PTPRC: variants seen among roughly 807,000 people sequenced by gnomAD.
The protein encoded by PTPRC is receptor-type tyrosine-protein phosphatase C.
PTPRC carries 44 observed loss-of-function variants against 155.9 expected under a neutral mutation model. That is an observed-to-expected ratio of 0.28 (90% confidence interval 0.22 to 0.36). PTPRC has a LOEUF of 0.36. Ranked by LOEUF, PTPRC falls within the 10% of genes least tolerant of loss-of-function variation. The pLI, the probability that PTPRC is intolerant of heterozygous loss-of-function variation, is 1.00. For synonymous variants in PTPRC, 525 were observed against 533.1 expected, an observed-to-expected ratio of 0.98 and a Z score of 0.21; for missense variants, 1,401 against 1,564.6, an observed-to-expected ratio of 0.90 and a Z score of 1.76.
At position 198,703,642 on chromosome 1, in the gene PTPRC, T is replaced by G. The variant is rs904718578; in HGVS notation, c.658+270T>G. On this transcript the variant is annotated intron_variant, in intron 7 of 32. Coordinates refer to ENST00000442510, the MANE Select transcript of PTPRC (RefSeq NM_002838.5). ...CTACTAGAACTTTTTCTCACAGGGGTTTAGGTCTTAGTAAGGAAAAGAACA... is the reference window on the plus strand; with the variant it reads ...CTACTAGAACTTTTTCTCACAGGGGGTTAGGTCTTAGTAAGGAAAAGAACA... 9.6e-5 allele frequency: 53 copies of G among 551,960 alleles called. No individual in the cohort carries two copies. The Admixed American group carries it at 1.4e-3, about 14-fold the overall frequency. The allele number at this position is 551,960 out of a possible 1,614,324, so 34.2% of individuals were successfully genotyped here. A position where few individuals can be genotyped will look rare whatever the true frequency, so the allele number is the denominator to read the frequency against.
intron 11 of PTPRC, among the ~76,000 whole-genome samples, chr1:198,712,098 A>G (rs1184671006): frequency 6.6e-6 from 1 of 152,214 alleles, no homozygotes; most frequent in Non-Finnish European, 1.5e-5. Context: ...ATGTGTATTC[A>G]CTGTTGAATC....
At chr1:198,665,031 T>G (rs958611749) in intron 2 of PTPRC, among the ~76,000 whole-genome samples, 8 of 151,416 alleles carry the variant, frequency 5.3e-5, no homozygotes, top group Admixed American at 5.3e-4. Flanking sequence ...CTGAATGGGA[T>G]TGGAGTCAGT....
intron 2 of PTPRC, among the ~76,000 whole-genome samples, chr1:198,667,499 CT>C (rs1045229251): frequency 6.6e-6 from 1 of 152,144 alleles, no homozygotes; most frequent in Admixed American, 6.5e-5. Flanking sequence ...GTCAACTGGT[CT>C]GGCCAAGTGA....
rs1474012514 is a variant in PTPRC at position 198,748,209 on chromosome 1, T to A, written c.2938+10T>A. On this transcript the variant is annotated intron_variant, in intron 27 of 32. Transcript: ENST00000442510. ...TCTAATGTCATCCCATGTATGTAGT[T>A]TATTTTTTTATTTTTTGTATCAGAT... 6.3e-7 allele frequency: 1 copy of A among 1,593,640 alleles called. No individual in the cohort carries two copies. Among genetic ancestry groups the A allele is most frequent in the Non-Finnish European group, 8.5e-7 (1 of 1,170,984 alleles).
At chr1:198,746,195 G>C (rs1259144139) in intron 26 of PTPRC, among the ~76,000 whole-genome samples, 1 of 151,838 alleles carries the variant, frequency 6.6e-6, no homozygotes, top group Admixed American at 6.6e-5. Context: ...ATGAGGTGGA[G>C]TGATTCAGAA....
intron 11 of PTPRC, among the ~76,000 whole-genome samples, chr1:198,712,228 G>A (rs74366894): frequency 0.09 from 13,676 of 152,214 alleles, 808 homozygotes; most frequent in Non-Finnish European, 0.13. Context: ...AATATGTTAG[G>A]AGTGAAAAAG....
chr1:198,678,216 A>T (rs12097814), intron 2 of PTPRC, among the ~76,000 whole-genome samples: 6,148 of 152,278 alleles, frequency 0.04, 391 homozygotes, highest in African/African-American at 0.13. Context: ...GATACAAGGG[A>T]TGCTGATTTC....
intron 2 of PTPRC, among the ~76,000 whole-genome samples, chr1:198,673,901 C>A (rs1253196267): frequency 2.6e-5 from 4 of 152,070 alleles, no homozygotes; most frequent in African/African-American, 9.7e-5. Context: ...TAATGTACTT[C>A]TCTCCCAAAA....
chr1:198,702,662 C>T (rs1666523153), intron 6 of PTPRC, 132 bp downstream of exon 6: 1 of 1,224,586 alleles, frequency 8.2e-7, no homozygotes, highest in African/African-American at 1.5e-5. Flanking sequence ...GTTCACGTAT[C>T]AACACCAAAT....
chr1:198,675,861 T>C (rs917352926), intron 2 of PTPRC, among the ~76,000 whole-genome samples: 1 of 152,146 alleles, frequency 6.6e-6, no homozygotes, highest in African/African-American at 2.4e-5. Context: ...ATCTACTAAT[T>C]TCATTTAAAA....
At chr1:198,645,183 G>A (rs988993050) in intron 2 of PTPRC, among the ~76,000 whole-genome samples, 1 of 151,740 alleles carries the variant, frequency 6.6e-6, no homozygotes, top group Non-Finnish European at 1.5e-5. Flanking sequence ...ATCACTGATA[G>A]ACAAGAAGAC....
intron 3 of PTPRC, chr1:198,694,572 A>G (rs1198613578): frequency 1.0e-6 from 1 of 987,566 alleles, no homozygotes. Context: ...TTGTTGAAAC[A>G]TTTCTCTCAA....
chr1:198,745,176 GAC>G (rs1269960572), intron 26 of PTPRC, among the ~76,000 whole-genome samples: 2 of 151,762 alleles, frequency 1.3e-5, no homozygotes, highest in African/African-American at 4.8e-5. Context: ...CTATAGAAAA[GAC>G]AGACAATTTT....
intron 3 of PTPRC, chr1:198,694,942 T>G: frequency 1.0e-6 from 1 of 981,322 alleles, no homozygotes; most frequent in Non-Finnish European, 1.2e-6. Context: ...GGTAAAAGTT[T>G]GATGGATTTA....
intron 15 of PTPRC, among the ~76,000 whole-genome samples, chr1:198,724,331 C>T (rs1654029748): frequency 2.0e-5 from 3 of 152,178 alleles, no homozygotes; most frequent in African/African-American, 7.2e-5. Context: ...TATTCCACCA[C>T]CTGTACTTTG....
At position 198,718,267 on chromosome 1, in the gene PTPRC, A is replaced by G. The variant is rs398122383; in HGVS notation, c.1624A>G (p.Lys542Glu). Residue 542 changes from lysine to glutamate, a missense_variant, in exon 14 of 33, where the codon AAA becomes GAA. Lys to Glu is a moderately conservative substitution (Grantham distance 56). Transcript: ENST00000442510. ...GCATAAGAATTGCGATTTCCGTGTA[A>G]AAGATCTTCAATATTCAACAGACTA... ...ESHKNCDFRVKDLQYSTDYTF... is the reference protein window; with the variant it reads ...ESHKNCDFRVEDLQYSTDYTF... 1 of 1,613,946 alleles carries G rather than the reference A, an allele frequency of 6.2e-7. No homozygotes were observed. The highest frequency in any genetic ancestry group is 1.7e-5 in the Admixed American group (1 of 60,010).
intron 32 of PTPRC, among the ~76,000 whole-genome samples, chr1:198,754,613 T>G (rs543664074): frequency 7.9e-5 from 12 of 152,080 alleles, no homozygotes; most frequent in Admixed American, 2.0e-4. Flanking sequence ...AATAAGAGCC[T>G]AAAGTTTACT....
intron 10 of PTPRC, among the ~76,000 whole-genome samples, chr1:198,708,462 C>G (rs879300100): frequency 2.0e-5 from 3 of 151,964 alleles, no homozygotes; most frequent in Admixed American, 1.3e-4. Context: ...ACAATTCAAA[C>G]AAATTCACAA....
intron 2 of PTPRC, among the ~76,000 whole-genome samples, chr1:198,685,514 A>T (rs1665570818): frequency 6.6e-6 from 1 of 152,038 alleles, no homozygotes; most frequent in Non-Finnish European, 1.5e-5. Flanking sequence ...GGTTCTCTGA[A>T]ATCATAATAC....
Sources: gnomAD v4.1 joint callset for allele counts (sites outside exome capture counted in the v4.1 genomes callset) on GRCh38, gnomAD v4.1.1 for gene constraint, MANE v1.5 for transcripts, NCBI Gene and HGNC (gene_info 2026-07-23, HGNC 2026-07-21) for gene names.